Variants in PCDHGB1 observed in about 807,000 individuals in gnomAD.
PCDHGB1 encodes the protein protocadherin gamma subfamily B, 1.
PCDHGB1 carries 34 observed loss-of-function variants against 56.6 expected under a neutral mutation model. The observed-to-expected ratio is 0.60, with a 90% CI of 0.46 to 0.80. The LOEUF is 0.80. PCDHGB1 is among the 30% of genes least tolerant of loss of function. The pLI, the probability that PCDHGB1 is intolerant of heterozygous loss-of-function variation, is 0.00. For synonymous variants in PCDHGB1, 561 were observed against 505.9 expected, an observed-to-expected ratio of 1.11 and a Z score of -1.46; for missense variants, 1,278 against 1,204.6, an observed-to-expected ratio of 1.06 and a Z score of -0.90.
intron 1 of PCDHGB1, chr5:141,362,465 C>G: frequency 1.2e-6 from 2 of 1,614,054 alleles, no homozygotes; most frequent in Non-Finnish European, 1.7e-6. Context: ...TTGGTTCCCG[C>G]GCAAGATCTC....
Position 141,431,920 on chromosome 5 carries a change from A to C in PCDHGB1, c.2410-62887A>C. On this transcript the variant is annotated intron_variant, in intron 1 of 3. Transcript: ENST00000523390. The surrounding 1 kb of genome is among the most constrained non-coding windows in gnomAD (Gnocchi z 4.8). ...ACGGACAGGTGATCTGTTTCATCCA[A>C]GGAAATCTGCCCTTTAAATTAGAAA... 1 of 1,614,164 alleles carries C rather than the reference A, an allele frequency of 6.2e-7. No individual in the cohort carries two copies. Among genetic ancestry groups the C allele is most frequent in the Non-Finnish European group, 8.5e-7 (1 of 1,179,976 alleles).
chr5:141,455,924 G>A (rs2098837630), intron 1 of PCDHGB1, among the ~76,000 whole-genome samples: 1 of 149,978 alleles, frequency 6.7e-6, no homozygotes. Flanking sequence ...TTGAGACGGA[G>A]TCTCGCTCTG....
intron 1 of PCDHGB1, among the ~76,000 whole-genome samples, chr5:141,458,101 G>C (rs530847477): frequency 3.3e-5 from 5 of 152,200 alleles, no homozygotes; most frequent in Non-Finnish European, 7.4e-5. Flanking sequence ...AGTACTTACA[G>C]ATAGTCTCCA....
chr5:141,511,320 A>G lies in PCDHGB1; in HGVS notation c.*147A>G. ...CATGCTCCCCTTGGGAAACAGAAAC[A>G]AGTGCCCAGTCAGCACCTACCCCTT... On this transcript the variant is annotated 3_prime_UTR_variant, in exon 4 of 4. Transcript: ENST00000523390. 6.8e-7 allele frequency: 1 copy of G among 1,475,678 alleles called. No homozygotes were observed. The highest frequency in any genetic ancestry group is 1.4e-5 in the South Asian group (1 of 72,746). 91.4% of individuals were successfully genotyped at this position (1,475,678 alleles called of 1,614,324 possible).
chr5:141,383,162 G>T (rs1778883191), intron 1 of PCDHGB1: 1 of 1,614,006 alleles, frequency 6.2e-7, no homozygotes, highest in Non-Finnish European at 8.5e-7. Context: ...GTCACTGCGG[G>T]CAGGATAGAC....
chr5:141,358,588 T>C (rs73265833), intron 1 of PCDHGB1, among the ~76,000 whole-genome samples: 1 of 152,378 alleles, frequency 6.6e-6, no homozygotes, highest in African/African-American at 2.4e-5. Context: ...ATTCCTCTGG[T>C]GCACTCCTGT....
intron 2 of PCDHGB1, among the ~76,000 whole-genome samples, chr5:141,504,999 T>C (rs1278633184): frequency 6.6e-6 from 1 of 152,000 alleles, no homozygotes; most frequent in African/African-American, 2.4e-5. Context: ...CCGTCTGTAC[T>C]AAAAATACAA....
At chr5:141,377,773 A>G (rs987234769) in intron 1 of PCDHGB1, 4 of 152,220 alleles carry the variant, frequency 2.6e-5, no homozygotes, top group Admixed American at 6.5e-5. Flanking sequence ...TTTGGTGTTA[A>G]AAGACCTGAA....
At chr5:141,445,178 A>G (rs768321514) in intron 1 of PCDHGB1, among the ~76,000 whole-genome samples, 2 of 152,218 alleles carry the variant, frequency 1.3e-5, no homozygotes, top group Admixed American at 1.3e-4. Context: ...ATGAAAAACT[A>G]TGTTTTTATG....
At chr5:141,409,448 C>T in intron 1 of PCDHGB1, 1 of 1,613,546 alleles carries the variant, frequency 6.2e-7, no homozygotes, top group Non-Finnish European at 8.5e-7. Context: ...AGAGCAGACA[C>T]CAGAATACAA....
Position 141,487,291 on chromosome 5 carries a change from C to T in PCDHGB1, c.2410-7516C>T, listed in dbSNP as rs748961925. The stretch of plus-strand genomic sequence containing the variant: ...TGGCAATTTGCTTTGTCTCCTTTGG[C>T]TCATTCGTGGCACTACTCTCTAAGT... On this transcript the variant is annotated intron_variant, in intron 1 of 3. Transcript: ENST00000523390. This position sits in a 1 kb window ranked among gnomAD's most constrained non-coding sequence, Gnocchi z 5.0. The T allele has an allele frequency of 1.9e-5, 30 of 1,614,036 alleles. No homozygotes were observed. Among genetic ancestry groups the T allele is most frequent in the Non-Finnish European group, 2.5e-5 (30 of 1,180,020 alleles).
intron 1 of PCDHGB1, chr5:141,392,749 A>G (rs2092584642): frequency 6.9e-7 from 1 of 1,449,652 alleles, no homozygotes; most frequent in Admixed American, 2.8e-5. Flanking sequence ...AGCTGCGGCA[A>G]GAAACTAAAT....
At chr5:141,502,203 C>G (rs1562205141) in intron 2 of PCDHGB1, among the ~76,000 whole-genome samples, 1 of 152,122 alleles carries the variant, frequency 6.6e-6, no homozygotes. Context: ...ATAGAATCCA[C>G]CAGCAGATTT....
chr5:141,364,066 A>C (rs776023906), intron 1 of PCDHGB1, among the ~76,000 whole-genome samples: 1 of 152,216 alleles, frequency 6.6e-6, no homozygotes, highest in Non-Finnish European at 1.5e-5. Flanking sequence ...ATTATAACTA[A>C]ACTTAGGAGA....
chr5:141,497,412 A>G (rs963440048), intron 2 of PCDHGB1, among the ~76,000 whole-genome samples: 13 of 151,982 alleles, frequency 8.6e-5, no homozygotes, highest in African/African-American at 3.1e-4. Flanking sequence ...CTCCCATTCC[A>G]TCAAATGAGA....
Position 141,362,628 on chromosome 5 carries a change from C to A in PCDHGB1, c.2409+9959C>A, listed in dbSNP as rs1366089431. ...CTAATTTGGGTAGGAAGTTCCACTG[C>A]GTATTTCTTTGTCTGTGAGTTAGAT... On this transcript the variant is annotated intron_variant, in intron 1 of 3. Transcript: ENST00000523390. 5 of 1,498,628 alleles carry A rather than the reference C, an allele frequency of 3.3e-6. No homozygotes were observed. In the East Asian group the frequency reaches 1.2e-4, roughly 35 times the overall value. 92.8% of individuals were successfully genotyped at this position (1,498,628 alleles called of 1,614,324 possible).
At chr5:141,356,481 G>A in intron 1 of PCDHGB1, 1 of 1,613,916 alleles carries the variant, frequency 6.2e-7, no homozygotes, top group Non-Finnish European at 8.5e-7. Context: ...CCACTGACCA[G>A]GGAACTCCTC....
At chr5:141,456,919 C>G (rs2098898169) in intron 1 of PCDHGB1, among the ~76,000 whole-genome samples, 1 of 152,124 alleles carries the variant, frequency 6.6e-6, no homozygotes, top group African/African-American at 2.4e-5. Flanking sequence ...GCCGAGATCG[C>G]ACCACTGCAC....
At chr5:141,414,921 G>T (rs746806079) in intron 1 of PCDHGB1, 22 of 1,613,992 alleles carry the variant, frequency 1.4e-5, no homozygotes, top group East Asian at 4.5e-5. Context: ...TGGAGCTGGC[G>T]CCCCGCTCCG....
Sources: allele counts gnomAD v4.1 joint callset (sites outside exome capture counted in the v4.1 genomes callset), GRCh38; gene constraint gnomAD v4.1.1; non-coding constraint Gnocchi (gnomAD v3.1); transcripts MANE v1.5; gene names NCBI Gene and HGNC (gene_info 2026-07-23, HGNC 2026-07-21).